The following PCYT1B variants were observed in gnomAD, a reference collection of about 807,000 sequenced individuals.
PCYT1B encodes the protein phosphate cytidylyltransferase 1B, choline.
Under a neutral mutation model 26.4 loss-of-function variants are expected in PCYT1B, and 10 were observed. That is an observed-to-expected ratio of 0.38 (90% confidence interval 0.23 to 0.64). The LOEUF is 0.64. Among genes scored for constraint, PCYT1B ranks in the 30% least tolerant of loss-of-function variants. The probability of loss-of-function intolerance (pLI) is 0.56; values close to 1 mark genes in which losing one functional copy is unlikely to be tolerated. For synonymous variants in PCYT1B, 131 were observed against 108.4 expected (o/e 1.21, Z -1.29); for missense variants, 161 against 292.7 (o/e 0.55, Z 3.28).
upstream of PCYT1B, among the ~76,000 whole-genome samples, chrX:24,647,892 G>C (rs1274935704): frequency 8.9e-6 from 1 of 112,006 alleles, no homozygotes; most frequent in Non-Finnish European, 1.9e-5. Context: ...GGGGAACTTT[G>C]AAGGAGGTAG....
intron 5 of PCYT1B, among the ~76,000 whole-genome samples, chrX:24,584,157 A>G (rs1442566273): frequency 9.1e-6 from 1 of 110,360 alleles, no homozygotes; most frequent in African/African-American, 3.3e-5. Context: ...CAACATAGGG[A>G]AACTCTACAA....
At chrX:24,668,283 C>T (rs1337180420) in intron 1 of PCYT1B, among the ~76,000 whole-genome samples, 3 of 111,492 alleles carry the variant, frequency 2.7e-5, no homozygotes, top group Non-Finnish European at 5.6e-5. Flanking sequence ...AAGCCTCTGG[C>T]CAGATCACAC....
At chrX:24,644,415 T>C (rs867927549) in intron 1 of PCYT1B, among the ~76,000 whole-genome samples, 11 of 105,086 alleles carry the variant, frequency 1.0e-4, no homozygotes, top group African/African-American at 3.8e-4. Context: ...GTTCAACTTA[T>C]GTACATCTGT....
At position 24,647,155 on chromosome X, in the gene PCYT1B, A is replaced by AG; in HGVS notation, c.-51dup. The AG allele has an allele frequency of 8.4e-7, 1 of 1,185,164 alleles. No homozygotes were observed. ...CTACACCCTCAGAGAGTCTCCTCCCAGGCAGAGAATGTTTTCTTTGTCACG... is the reference window on the plus strand; with the variant it reads ...CTACACCCTCAGAGAGTCTCCTCCCAGGGCAGAGAATGTTTTCTTTGTCACG... On this transcript the variant is annotated 5_prime_UTR_variant, in exon 1 of 8. Transcript: ENST00000379144.
chrX:24,613,028 G>A (rs948334317), intron 2 of PCYT1B, among the ~76,000 whole-genome samples: 4 of 111,983 alleles, frequency 3.6e-5, no homozygotes, highest in Non-Finnish European at 5.6e-5. Flanking sequence ...CCAGGTGAAA[G>A]TAGACTTATC....
intron 1 of PCYT1B, among the ~76,000 whole-genome samples, chrX:24,671,119 C>G (rs897355134): frequency 1.8e-5 from 2 of 110,261 alleles, no homozygotes; most frequent in Admixed American, 9.7e-5. Flanking sequence ...AGGTGCCCAC[C>G]ACCATGCCTG....
chrX:24,627,266 G>A (rs1010976320), intron 1 of PCYT1B, among the ~76,000 whole-genome samples: 1 of 112,190 alleles, frequency 8.9e-6, no homozygotes, highest in Admixed American at 9.5e-5. Context: ...GCACCCAGTC[G>A]TGTGAGCTTT....
chrX:24,613,460 A>C (rs777792489), intron 2 of PCYT1B, among the ~76,000 whole-genome samples: 3 of 112,137 alleles, frequency 2.7e-5, no homozygotes, highest in Non-Finnish European at 5.6e-5. Context: ...AATACATTAA[A>C]GTTTTAGAAC....
intron 3 of PCYT1B, among the ~76,000 whole-genome samples, chrX:24,600,400 A>G (rs762743470): frequency 1.4e-3 from 157 of 111,014 alleles, no homozygotes; most frequent in African/African-American, 5.0e-3. Context: ...AGAGAGAAAC[A>G]GGCAGATAGA....
At position 24,619,475 on chromosome X, in the gene PCYT1B, G is replaced by A. The variant is rs148447867; in HGVS notation, c.118-391C>T. ...GAGGCTCATTAGAGTTAAGAAATAC[G>A]CCAAGTCATGCCCTTGGAAAGTCAC... On this transcript the variant is annotated intron_variant, in intron 1 of 7. Transcript: ENST00000379144. Among the ~76,000 whole-genome samples, 312 of 111,646 alleles carry A rather than the reference G, an allele frequency of 2.8e-3. 5 individuals carry two copies. Among genetic ancestry groups the A allele is most frequent in the Middle Eastern group, 4.7e-3 (1 of 215 alleles).
At chrX:24,566,103 G>A (rs1237915994) in intron 7 of PCYT1B, among the ~76,000 whole-genome samples, 2 of 112,037 alleles carry the variant, frequency 1.8e-5, no homozygotes, top group Non-Finnish European at 1.9e-5. Context: ...TCAGGAAAAG[G>A]GCTACCTTCA....
chrX:24,622,200 A>C (rs1349050701), intron 1 of PCYT1B, among the ~76,000 whole-genome samples: 1 of 112,149 alleles, frequency 8.9e-6, no homozygotes, highest in Non-Finnish European at 1.9e-5. Context: ...TGTCCAGAAC[A>C]TTGCTTTCTA....
At chrX:24,610,334 G>A (rs1362134377) in intron 2 of PCYT1B, among the ~76,000 whole-genome samples, 1 of 111,614 alleles carries the variant, frequency 9.0e-6, no homozygotes, top group Admixed American at 9.6e-5. Flanking sequence ...GAGACTTTAT[G>A]TCAGATAGGG....
intron 1 of PCYT1B, among the ~76,000 whole-genome samples, chrX:24,663,835 C>G (rs528415906): frequency 5.4e-5 from 6 of 111,287 alleles, no homozygotes; most frequent in African/African-American, 2.0e-4. Flanking sequence ...AGGAGAATCA[C>G]TTGAACTCGG....
At chrX:24,614,695 A>C (rs923891551) in intron 2 of PCYT1B, among the ~76,000 whole-genome samples, 4 of 112,361 alleles carry the variant, frequency 3.6e-5, no homozygotes, top group African/African-American at 1.3e-4. Flanking sequence ...GAAACTCTTG[A>C]AACCAAACCC....
chrX:24,637,356 T>C (rs1926304218), intron 1 of PCYT1B, among the ~76,000 whole-genome samples: 1 of 104,181 alleles, frequency 9.6e-6, no homozygotes, highest in Admixed American at 1.1e-4. Context: ...TATTTGATCT[T>C]TGGGGCCGGG....
intron 4 of PCYT1B, among the ~76,000 whole-genome samples, chrX:24,588,943 G>T (rs912837803): frequency 1.8e-5 from 2 of 110,859 alleles, no homozygotes; most frequent in African/African-American, 6.5e-5. Context: ...CTCAAACTTA[G>T]TTCCTTTTCC....
At chrX:24,603,384 C>T (rs957023948) in intron 3 of PCYT1B, among the ~76,000 whole-genome samples, 5 of 112,226 alleles carry the variant, frequency 4.5e-5, no homozygotes, top group African/African-American at 1.6e-4. Flanking sequence ...AGAATTTTCC[C>T]ACATCCCTGC....
chrX:24,570,452 C>A lies in PCYT1B; in HGVS notation c.897+4678G>T, dbSNP rs759813053. Reference sequence around the variant, plus strand: ...TATTTTTAGTAAAGATGGGGTTTCACCACGTTGGCCAGGCTGGTCTTGAAC... The same window carrying A: ...TATTTTTAGTAAAGATGGGGTTTCAACACGTTGGCCAGGCTGGTCTTGAAC... On this transcript the variant is annotated intron_variant, in intron 7 of 7. Transcript: ENST00000379144. Among the ~76,000 whole-genome samples, 17 of 108,838 alleles carry A rather than the reference C, an allele frequency of 1.6e-4. No individual in the cohort carries two copies. In the Admixed American group the frequency reaches 1.7e-3, roughly 11 times the overall value. 94.5% of individuals were successfully genotyped at this position (108,838 alleles called of 115,157 possible).
Sources: gnomAD v4.1 joint callset for allele counts (sites outside exome capture counted in the v4.1 genomes callset) on GRCh38, gnomAD v4.1.1 for gene constraint, MANE v1.5 for transcripts, NCBI Gene and HGNC (gene_info 2026-07-23, HGNC 2026-07-21) for gene names.